The following PRKCH variants were observed in gnomAD, a reference collection of about 807,000 sequenced individuals.
PRKCH encodes the protein protein kinase C eta.
PRKCH carries 28 observed loss-of-function variants against 82.5 expected under a neutral mutation model. The ratio of observed to expected loss-of-function variants is 0.34; its 90% CI spans 0.25 to 0.47. The LOEUF (loss-of-function observed/expected upper bound fraction) is 0.47. PRKCH is among the 20% of genes least tolerant of loss of function. The pLI, the probability that PRKCH is intolerant of heterozygous loss-of-function variation, is 1.00. For missense variants in PRKCH, 705 were observed against 881.8 expected, an observed-to-expected ratio of 0.80 and a Z score of 2.54; for synonymous variants, 322 against 327.4, an observed-to-expected ratio of 0.98 and a Z score of 0.18.
intron 1 of PRKCH, among the ~76,000 whole-genome samples, chr14:61,200,405 GTGTGTT>G (rs913074735): frequency 1.3e-5 from 2 of 151,798 alleles, no homozygotes; most frequent in African/African-American, 4.9e-5. Flanking sequence ...GTGTGTGTGT[GTGTGTT>G]TGTGTGTTAC....
intron 10 of PRKCH, among the ~76,000 whole-genome samples, chr14:61,526,166 T>G (rs2042963819): frequency 6.6e-6 from 1 of 152,204 alleles, no homozygotes; most frequent in Admixed American, 6.5e-5. Context: ...ATTGTATTTA[T>G]GTGGTGGGGC....
intron 10 of PRKCH, among the ~76,000 whole-genome samples, chr14:61,499,042 G>C (rs923555305): frequency 6.6e-6 from 1 of 152,132 alleles, no homozygotes; most frequent in African/African-American, 2.4e-5. Flanking sequence ...CCAAGGATTA[G>C]ACCGAGGCGT....
At chr14:61,486,553 G>A (rs1302979744) in intron 10 of PRKCH, among the ~76,000 whole-genome samples, 4 of 152,092 alleles carry the variant, frequency 2.6e-5, no homozygotes, top group Non-Finnish European at 5.9e-5. Flanking sequence ...AGTGAGAAGT[G>A]TAATAGTGAA....
intron 1 of PRKCH, among the ~76,000 whole-genome samples, chr14:61,327,911 T>G (rs2045719597): frequency 6.6e-6 from 1 of 152,218 alleles, no homozygotes; most frequent in Non-Finnish European, 1.5e-5. Context: ...GGATGAACAG[T>G]ATTCCTCTGT....
rs566039341 is a variant in PRKCH, at chr14:61,464,380, T to G, written c.1278+6701T>G. 3.3e-3 allele frequency among the ~76,000 whole-genome samples: 497 copies of G among 152,278 alleles called. 3 individuals are homozygous for G. The highest frequency in any genetic ancestry group is 8.1e-3 in the African/African-American group (338 of 41,562). On this transcript the variant is annotated intron_variant, in intron 9 of 13. Coordinates refer to ENST00000332981, the MANE Select transcript of PRKCH (RefSeq NM_006255.5). Reference sequence around the variant, plus strand: ...TGTGTGTGTGGTTTTGTTTTGTTTTTTTTTTTACTTTTCATTTATTTTTAC... The same window carrying G: ...TGTGTGTGTGGTTTTGTTTTGTTTTGTTTTTTACTTTTCATTTATTTTTAC...
intron 2 of PRKCH, among the ~76,000 whole-genome samples, chr14:61,406,370 G>A (rs1367071344): frequency 8.7e-6 from 1 of 114,686 alleles, no homozygotes; most frequent in East Asian, 2.7e-4. Flanking sequence ...CCTTGTTAAT[G>A]TCTGCAAACA....
chr14:61,434,387 G>A (rs529775532), intron 2 of PRKCH, among the ~76,000 whole-genome samples: 14 of 152,150 alleles, frequency 9.2e-5, no homozygotes, highest in Admixed American at 7.9e-4. Context: ...GTGATGATCC[G>A]CTGAGGAATG....
At chr14:61,340,104 C>G (rs1202481294) in intron 1 of PRKCH, among the ~76,000 whole-genome samples, 1 of 92,374 alleles carries the variant, frequency 1.1e-5, no homozygotes, top group Non-Finnish European at 3.3e-5. Context: ...CCTTCTCAGC[C>G]TCTTCCCTGA....
chr14:61,192,381 G>A (rs2044412132), intron 1 of PRKCH, among the ~76,000 whole-genome samples: 1 of 152,202 alleles, frequency 6.6e-6, no homozygotes, highest in Admixed American at 6.5e-5. Context: ...AGATAAAGGT[G>A]TTCATTCTGA....
At chr14:61,278,219 C>A (rs2045221953) in intron 1 of PRKCH, 1 of 152,122 alleles carries the variant, frequency 6.6e-6, no homozygotes, top group Non-Finnish European at 1.5e-5. Flanking sequence ...TAGTGAGCTG[C>A]TCAAACATTT....
chr14:61,306,780 C>T (rs2045488396), intron 1 of PRKCH: 1 of 152,102 alleles, frequency 6.6e-6, no homozygotes, highest in Admixed American at 6.6e-5. Flanking sequence ...TGTATTAGGC[C>T]ACTACTCTTC....
At chr14:61,377,146 G>A (rs768197620) in intron 1 of PRKCH, among the ~76,000 whole-genome samples, 3 of 152,254 alleles carry the variant, frequency 2.0e-5, no homozygotes, top group Non-Finnish European at 4.4e-5. Context: ...CTGCACATTT[G>A]GCTTCTCCTC....
intron 1 of PRKCH, chr14:61,390,743 G>A (rs1034306962): frequency 6.5e-6 from 1 of 153,006 alleles, no homozygotes; most frequent in Non-Finnish European, 1.5e-5. Flanking sequence ...AGATTGACCA[G>A]ACTTTGGTGG....
At chr14:61,194,421 C>G (rs935646586) in intron 1 of PRKCH, among the ~76,000 whole-genome samples, 1 of 152,138 alleles carries the variant, frequency 6.6e-6, no homozygotes, top group African/African-American at 2.4e-5. Flanking sequence ...GATTAACGCT[C>G]TTATAAAAGA....
chr14:61,477,140 A>G (rs1885763706), intron 9 of PRKCH: 1 of 152,110 alleles, frequency 6.6e-6, no homozygotes, highest in Admixed American at 6.6e-5. Flanking sequence ...TGTTACGGAG[A>G]TTTCCTTCTC....
At chr14:61,255,337 C>G (rs1480961914) in intron 1 of PRKCH, among the ~76,000 whole-genome samples, 1 of 152,146 alleles carries the variant, frequency 6.6e-6, no homozygotes, top group Non-Finnish European at 1.5e-5. Context: ...CAGCAGGGAT[C>G]ACAGGATAAA....
At chr14:61,516,681 C>T (rs2042833715) in intron 10 of PRKCH, among the ~76,000 whole-genome samples, 1 of 152,218 alleles carries the variant, frequency 6.6e-6, no homozygotes, top group East Asian at 1.9e-4. Flanking sequence ...AATGTGATGT[C>T]TTTTGCACAT....
At chr14:61,300,802 C>T (rs2045442595) in intron 1 of PRKCH, among the ~76,000 whole-genome samples, 1 of 152,090 alleles carries the variant, frequency 6.6e-6, no homozygotes, top group African/African-American at 2.4e-5. Flanking sequence ...GGGGGCTAGG[C>T]ATGTTCAGCA....
intron 2 of PRKCH, among the ~76,000 whole-genome samples, chr14:61,416,556 C>G (rs1882568856): frequency 6.6e-6 from 1 of 152,026 alleles, no homozygotes; most frequent in Non-Finnish European, 1.5e-5. Context: ...CATATATCTC[C>G]CAGCTTGGCT....
Sources: gnomAD v4.1 joint callset for allele counts (sites outside exome capture counted in the v4.1 genomes callset) on GRCh38, gnomAD v4.1.1 for gene constraint, MANE v1.5 for transcripts, NCBI Gene and HGNC (gene_info 2026-07-23, HGNC 2026-07-21) for gene names.